Variants in PRR12 observed in about 807,000 individuals in gnomAD.
PRR12 encodes proline rich 12, also known as proline-rich protein 12.
In PRR12, 12 loss-of-function variants were observed where a neutral mutation model predicts 138.0. The ratio of observed to expected loss-of-function variants is 0.09; its 90% confidence interval spans 0.06 to 0.14. The LOEUF (loss-of-function observed/expected upper bound fraction) is 0.14, where lower values mean the gene tolerates loss of function less well. Among genes scored for constraint, PRR12 ranks in the 10% least tolerant of loss-of-function variants. The pLI, the probability that PRR12 is intolerant of heterozygous loss-of-function variation, is 1.00. For missense variants in PRR12, 2,692 were observed against 2,861.3 expected, an observed-to-expected ratio of 0.94 and a Z score of 1.35; for synonymous variants, 1,567 against 1,291.7, an observed-to-expected ratio of 1.21 and a Z score of -4.57.
In PRR12 at chr19:49,597,513, A is replaced by G. The variant is rs1239668078; in HGVS notation, c.3178A>G (p.Thr1060Ala). 1.3e-6 allele frequency: 2 copies of G among 1,556,414 alleles called. No homozygotes were observed. The highest frequency in any genetic ancestry group is 1.7e-6 in the Non-Finnish European group (2 of 1,152,070). Reference protein sequence around the residue: ...APASEPKGGLTSPIFCSTKPK... With the variant: ...APASEPKGGLASPIFCSTKPK... The stretch of plus-strand genomic sequence containing the variant: ...GGCCTCCGAACCCAAGGGTGGCCTC[A>G]CCTCGCCCATCTTCTGCTCTACCAA... The change falls in exon 4 of 14, where the codon ACC (threonine) becomes GCC (alanine). Residue 1060 changes from threonine (T) to alanine (A), a missense_variant. Thr to Ala is a moderately conservative substitution (Grantham distance 58). This residue lies in a region of PRR12 where 840 missense variants were observed against 689.8 expected (regional missense o/e 1.22). Transcript: ENST00000418929. The surrounding 1 kb of genome is among the most constrained non-coding windows in gnomAD (Gnocchi z 6.3).
chr19:49,591,613 T>G lies in PRR12; in HGVS notation c.-42T>G, dbSNP rs756866573. On this transcript the variant is annotated 5_prime_UTR_variant, in exon 1 of 14. Transcript: ENST00000418929. Reference sequence around the variant, plus strand: ...AGCGCGCGCGCGCCCCCTCCCTCCCTCCCTCCCTCCCCCTCCCCCCAATTT... The same window carrying G: ...AGCGCGCGCGCGCCCCCTCCCTCCCGCCCTCCCTCCCCCTCCCCCCAATTT... The G allele has an allele frequency of 1.8e-4, 21 of 114,806 alleles. No individual in the cohort carries two copies. The highest frequency in any genetic ancestry group is 3.1e-4 in the East Asian group (2 of 6,452). 7.1% of individuals were successfully genotyped at this position (114,806 alleles called of 1,614,324 possible). A position where few individuals can be genotyped will look rare whatever the true frequency, so the allele number is the denominator to read the frequency against.
rs1350351365 is a variant in PRR12, at chr19:49,615,989, G to T, written c.5267G>T (p.Gly1756Val). 2.3e-5 allele frequency: 36 copies of T among 1,552,826 alleles called. No individual in the cohort carries two copies. Among genetic ancestry groups the T allele is most frequent in the Non-Finnish European group, 3.0e-5 (34 of 1,147,674 alleles). Residue 1756 changes from glycine to valine, a missense_variant, in exon 9 of 14, where the codon GGT becomes GTT. Physicochemically the swap from Gly to Val is moderately radical, Grantham distance 109. Coordinates refer to ENST00000418929, the MANE Select transcript of PRR12 (RefSeq NM_020719.3). ...ACACGTGGAGAGCGGCCATTGCGGG[G>T]TGAGCGGGCCACCAGCGGACGGCAG... ...KVTRGERPLRGERATSGRQTR... is the reference protein window; with the variant it reads ...KVTRGERPLRVERATSGRQTR...
rs1305481574 is a variant in PRR12, at chr19:49,620,358, C to T, written c.5504C>T (p.Ala1835Val). The change falls in exon 10 of 14, where the codon GCA (alanine) becomes GTA (valine). Residue 1835 changes from alanine (A) to valine (V), a missense_variant. By Grantham distance (64) the Ala-to-Val change is moderately conservative (BLOSUM62 0). Around this residue, in one of 11 missense-constraint regions of PRR12, gnomAD observed 259 missense variants for 265.1 expected, o/e 0.98. Coordinates refer to ENST00000418929, the MANE Select transcript of PRR12 (RefSeq NM_020719.3). ...SPGAPSEDER[A>V]VPGRLLKTRA... The stretch of plus-strand genomic sequence containing the variant: ...CGTCCTGTCTTTTCTGCAGAGCGGG[C>T]AGTACCTGGGCGTCTGCTCAAAACC... 1.2e-6 allele frequency: 2 copies of T among 1,613,044 alleles called. No individual in the cohort carries two copies. Among genetic ancestry groups the T allele is most frequent in the Non-Finnish European group, 8.5e-7 (1 of 1,179,586 alleles).
chr19:49,597,047 G>A lies in PRR12; in HGVS notation c.2712G>A (p.Ser904=), dbSNP rs749930197. The change falls in exon 4 of 14, where the codon TCG becomes TCA. Residue 904 remains serine (S), a synonymous_variant. Transcript: ENST00000418929. The surrounding 1 kb of genome is among the most constrained non-coding windows in gnomAD (Gnocchi z 6.3). ...PGDTGVGPPN[S]EGKDPAGAYR... ...ATACTGGCGTAGGCCCACCAAACTCGGAGGGCAAGGATCCCGCAGGCGCCT... is the reference window on the plus strand; with the variant it reads ...ATACTGGCGTAGGCCCACCAAACTCAGAGGGCAAGGATCCCGCAGGCGCCT... 1.3e-6 allele frequency: 2 copies of A among 1,554,436 alleles called. No individual in the cohort carries two copies. Among genetic ancestry groups the A allele is most frequent in the Non-Finnish European group, 1.7e-6 (2 of 1,150,306 alleles).
chr19:49,593,837 C>T (rs550764831), intron 2 of PRR12, among the ~76,000 whole-genome samples: 28 of 152,240 alleles, frequency 1.8e-4, no homozygotes, highest in South Asian at 2.1e-4. Context: ...TTCTCTGGCC[C>T]GCCCTGTTTT....
chr19:49,615,519 TCAGAGA>T (rs2080887296), intron 8 of PRR12, among the ~76,000 whole-genome samples: 1 of 69,962 alleles, frequency 1.4e-5, no homozygotes, highest in African/African-American at 5.6e-5. Context: ...AGGGAGGGGG[TCAGAGA>T]CCCAGAGAGG....
intron 6 of PRR12, among the ~76,000 whole-genome samples, chr19:49,605,615 A>G (rs192141910): frequency 6.6e-6 from 1 of 152,386 alleles, no homozygotes; most frequent in African/African-American, 2.4e-5. Context: ...CGTTCTAGTC[A>G]AACGCAGCTG....
chr19:49,625,723 A>G lies in PRR12; in HGVS notation c.*116A>G. On this transcript the variant is annotated 3_prime_UTR_variant, in exon 14 of 14. Transcript: ENST00000418929. This position sits in a 1 kb window ranked among gnomAD's most constrained non-coding sequence, Gnocchi z 5.5. The stretch of plus-strand genomic sequence containing the variant: ...CGCCGGGGAAAGGGGGTCATGGGTC[A>G]GGGTGTGTCTGTGCTGCCCCCTCCA... 1 of 1,377,436 alleles carries G rather than the reference A, an allele frequency of 7.3e-7. No individual in the cohort carries two copies. Among genetic ancestry groups the G allele is most frequent in the East Asian group, 2.5e-5 (1 of 39,772 alleles). 85.3% of individuals were successfully genotyped at this position (1,377,436 alleles called of 1,614,324 possible).
rs1282459773 is a variant in PRR12, at chr19:49,591,387, C to T, written c.-268C>T. 2.0e-5 allele frequency among the ~76,000 whole-genome samples: 3 copies of T among 149,582 alleles called. No homozygotes were observed. Among genetic ancestry groups the T allele is most frequent in the African/African-American group, 2.5e-5 (1 of 40,634 alleles). On this transcript the variant is annotated 5_prime_UTR_variant, in exon 1 of 14. Transcript: ENST00000418929. Reference sequence around the variant, plus strand: ...CGGAGACAGCGGGGTCCCTCCTCCCCCCTTCCCTCCTCTAGGGGGAACCCC... The same window carrying T: ...CGGAGACAGCGGGGTCCCTCCTCCCTCCTTCCCTCCTCTAGGGGGAACCCC...
At chr19:49,592,061 C>T (rs1173979326) in intron 1 of PRR12, among the ~76,000 whole-genome samples, 1 of 152,130 alleles carries the variant, frequency 6.6e-6, no homozygotes, top group Non-Finnish European at 1.5e-5. Flanking sequence ...CCTTGGATTC[C>T]CGGCTTGGTG....
chr19:49,593,502 G>A (rs939856508), intron 2 of PRR12, 63 bp downstream of exon 2: 26 of 726,802 alleles, frequency 3.6e-5, no homozygotes, highest in Admixed American at 2.7e-4. Flanking sequence ...GCAGCTGATT[G>A]GCTGTTGAAA....
chr19:49,597,505 G>A lies in PRR12; in HGVS notation c.3170G>A (p.Gly1057Asp). The change falls in exon 4 of 14, where the codon GGT becomes GAT. Residue 1057 changes from glycine to aspartate, a missense_variant. This residue lies in a region of PRR12 where 840 missense variants were observed against 689.8 expected (regional missense o/e 1.22). Transcript: ENST00000418929. This position sits in a 1 kb window ranked among gnomAD's most constrained non-coding sequence, Gnocchi z 6.3. ...PPPAPASEPK[G>D]GLTSPIFCST... Reference sequence around the variant, plus strand: ...CCCGCGCCGGCCTCCGAACCCAAGGGTGGCCTCACCTCGCCCATCTTCTGC... The same window carrying A: ...CCCGCGCCGGCCTCCGAACCCAAGGATGGCCTCACCTCGCCCATCTTCTGC... 6.4e-7 allele frequency: 1 copy of A among 1,553,684 alleles called. No homozygotes were observed. Among genetic ancestry groups the A allele is most frequent in the Non-Finnish European group, 8.7e-7 (1 of 1,150,410 alleles).
intron 6 of PRR12, among the ~76,000 whole-genome samples, chr19:49,602,585 G>A (rs898009201): frequency 1.3e-5 from 2 of 152,206 alleles, no homozygotes; most frequent in East Asian, 3.9e-4. Context: ...ATGGAGTTTC[G>A]CTCTTGTCCA....
At chr19:49,618,350 C>T (rs2080903445) in intron 9 of PRR12, among the ~76,000 whole-genome samples, 1 of 152,016 alleles carries the variant, frequency 6.6e-6, no homozygotes, top group African/African-American at 2.4e-5. Context: ...GTCACCTGAC[C>T]AGACTTCCCA....
rs773193245 is a variant in PRR12, at chr19:49,596,692, G to A, written c.2357G>A (p.Gly786Glu). The A allele has an allele frequency of 2.5e-6, 4 of 1,606,054 alleles. No homozygotes were observed. The South Asian group carries it at 3.3e-5, about 13-fold the overall frequency. Residue 786 changes from glycine (G) to glutamate (E), a missense_variant, in exon 4 of 14, where the codon GGG becomes GAG. By Grantham distance (98) the Gly-to-Glu change is moderately conservative. Transcript: ENST00000418929. This position sits in a 1 kb window ranked among gnomAD's most constrained non-coding sequence, Gnocchi z 5.6. ...CCCCATGGCCTCCTTCTGGAGGCCG[G>A]GGGCCCTGACCTCCCACTGGTGCTG... ...PTPHGLLLEA[G>E]GPDLPLVLPP...
chr19:49,610,919 G>A (rs188970862), intron 6 of PRR12, among the ~76,000 whole-genome samples: 57 of 151,286 alleles, frequency 3.8e-4, no homozygotes, highest in Admixed American at 1.2e-3. Context: ...ATCTTGGCTC[G>A]CTGCAACCTC....
Position 49,597,487 on chromosome 19 carries a change from C to G in PRR12, c.3152C>G (p.Pro1051Arg), listed in dbSNP as rs781076786. Residue 1051 changes from proline (P) to arginine (R), a missense_variant, in exon 4 of 14, where the codon CCG becomes CGG. Coordinates refer to ENST00000418929, the MANE Select transcript of PRR12 (RefSeq NM_020719.3). This position sits in a 1 kb window ranked among gnomAD's most constrained non-coding sequence, Gnocchi z 6.3. Reference protein sequence around the residue: ...PPPPPPPPPAPASEPKGGLTS... With the variant: ...PPPPPPPPPARASEPKGGLTS... ...CCTCCGCCACCGCCGCCTCCCGCGCCGGCCTCCGAACCCAAGGGTGGCCTC... is the reference window on the plus strand; with the variant it reads ...CCTCCGCCACCGCCGCCTCCCGCGCGGGCCTCCGAACCCAAGGGTGGCCTC... 53 of 1,547,782 alleles carry G rather than the reference C, an allele frequency of 3.4e-5. No homozygotes were observed. The South Asian group carries it at 4.4e-4, about 13-fold the overall frequency.
intron 9 of PRR12, among the ~76,000 whole-genome samples, chr19:49,618,656 T>C (rs1207340740): frequency 6.6e-6 from 1 of 152,154 alleles, no homozygotes; most frequent in Non-Finnish European, 1.5e-5. Context: ...CACAAAGTGC[T>C]GGGATCACAG....
chr19:49,623,100 G>A (rs1249406879), intron 11 of PRR12, among the ~76,000 whole-genome samples: 1 of 151,808 alleles, frequency 6.6e-6, no homozygotes, highest in Admixed American at 6.6e-5. Context: ...AAGCTGGAAT[G>A]TTATGCTGAC....
Sources: allele counts gnomAD v4.1 joint callset (sites outside exome capture counted in the v4.1 genomes callset), GRCh38; gene constraint gnomAD v4.1.1; regional missense constraint gnomAD v4.1.1; non-coding constraint Gnocchi (gnomAD v3.1); transcripts MANE v1.5; gene names NCBI Gene and HGNC (gene_info 2026-07-23, HGNC 2026-07-21).